The following FXN variants were observed in gnomAD, a reference collection of about 807,000 sequenced individuals.
The protein encoded by FXN is frataxin, mitochondrial.
FXN carries 14 observed loss-of-function variants against 22.4 expected under a neutral mutation model. That is an observed-to-expected ratio of 0.62 (90% CI 0.41 to 0.98). The LOEUF is 0.98. Ranked by LOEUF, FXN falls within the 50% of genes least tolerant of loss-of-function variation. The pLI is 0.00. For missense variants in FXN, 267 were observed against 268.4 expected, an observed-to-expected ratio of 0.99 and a Z score of 0.04; for synonymous variants, 120 against 114.1, an observed-to-expected ratio of 1.05 and a Z score of -0.33.
At chr9:69,069,955 A>C (rs1285952595) in intron 4 of FXN, among the ~76,000 whole-genome samples, 1 of 152,230 alleles carries the variant, frequency 6.6e-6, no homozygotes, top group East Asian at 1.9e-4. Context: ...GGGGGCAAGC[A>C]CGGTAGCTCA....
rs540553864 is a variant in FXN at position 69,060,443 on chromosome 9, T to C, written c.385-4495T>C. Among the ~76,000 whole-genome samples, 4 of 151,746 alleles carry C rather than the reference T, an allele frequency of 2.6e-5. No homozygotes were observed. In the East Asian group the frequency reaches 7.8e-4, roughly 29 times the overall value. On this transcript the variant is annotated intron_variant, in intron 3 of 4. Coordinates refer to ENST00000484259, the MANE Select transcript of FXN (RefSeq NM_000144.5). ...TGGCTAGTGCCTGCATCTCAGAAAC[T>C]GCTACATATTTTGACTATTCCCCCT...
At chr9:69,054,012 C>T (rs1564333879) in intron 3 of FXN, among the ~76,000 whole-genome samples, 1 of 151,992 alleles carries the variant, frequency 6.6e-6, no homozygotes, top group African/African-American at 2.4e-5. Context: ...AGTATGAGAA[C>T]TTGTTTTTTT....
At chr9:69,047,507 G>A (rs1158415383) in intron 2 of FXN, among the ~76,000 whole-genome samples, 1 of 152,166 alleles carries the variant, frequency 6.6e-6, no homozygotes, top group Non-Finnish European at 1.5e-5. Flanking sequence ...AGAGGAGCAT[G>A]TTCCTCCACA....
At chr9:69,065,243 A>G (rs1832148618) in intron 4 of FXN, among the ~76,000 whole-genome samples, 1 of 152,146 alleles carries the variant, frequency 6.6e-6, no homozygotes, top group Admixed American at 6.5e-5. Context: ...TCTGTAAAGA[A>G]AATAAAAATA....
At position 69,060,106 on chromosome 9, in the gene FXN, C is replaced by T. The variant is rs184760016; in HGVS notation, c.385-4832C>T. On this transcript the variant is annotated intron_variant, in intron 3 of 4. Transcript: ENST00000484259. ...CTCACCAGCCGGGCGTGGTGGCTCA[C>T]GCCTGTAATCCCAGCACTTTGGGAG... Among the ~76,000 whole-genome samples, 182 of 152,198 alleles carry T rather than the reference C, an allele frequency of 1.2e-3. 1 individual carries two copies. The highest frequency in any genetic ancestry group is 4.1e-3 in the African/African-American group (172 of 41,532).
rs148756619 is a variant in FXN at position 69,047,350 on chromosome 9, GACACACACACAC to G, written c.263+887_263+898del. On this transcript the variant is annotated intron_variant, in intron 2 of 4. Coordinates refer to ENST00000484259, the MANE Select transcript of FXN (RefSeq NM_000144.5). The stretch of plus-strand genomic sequence containing the variant: ...ACACAGACACAGACACACACACACA[GACACACACACAC>G]ACACACACACACACACACGATGGAG... Among the ~76,000 whole-genome samples the G allele has an allele frequency of 4.2e-5, 6 of 144,174 alleles. No homozygotes were observed. In the East Asian group the frequency reaches 6.1e-4, roughly 15 times the overall value. The allele number at this position is 144,174 out of a possible 152,430, so 94.6% of individuals were successfully genotyped here.
intron 1 of FXN, among the ~76,000 whole-genome samples, chr9:69,043,095 G>A (rs139980850): frequency 2.6e-5 from 4 of 152,256 alleles, no homozygotes; most frequent in South Asian, 2.1e-4. Flanking sequence ...TTTTGGGGTC[G>A]TTTCAAAGAT....
chr9:69,040,451 G>A (rs549082993), intron 1 of FXN, among the ~76,000 whole-genome samples: 1 of 152,266 alleles, frequency 6.6e-6, no homozygotes, highest in South Asian at 2.1e-4. Context: ...GGTGGATCAC[G>A]AGTTCAGGAG....
In FXN at chr9:69,078,639, T is replaced by C. The variant is rs1832413353; in HGVS notation, c.*5877T>C. On this transcript the variant is annotated 3_prime_UTR_variant, in exon 5 of 5. Coordinates refer to ENST00000484259, the MANE Select transcript of FXN (RefSeq NM_000144.5). ...TTCTACCCCCTCACACTCAACACTT[T>C]GACTCCAGCAATCCCAAATCCCCAG... The C allele has an allele frequency of 1.0e-6, 1 of 985,870 alleles. No individual in the cohort carries two copies. Among genetic ancestry groups the C allele is most frequent in the Non-Finnish European group, 1.2e-6 (1 of 830,018 alleles). The allele number at this position is 985,870 out of a possible 1,614,324, so 61.1% of individuals were successfully genotyped here. A position where few individuals can be genotyped will look rare whatever the true frequency, so the allele number is the denominator to read the frequency against.
intron 3 of FXN, among the ~76,000 whole-genome samples, chr9:69,062,371 G>A (rs993204911): frequency 1.3e-5 from 2 of 152,128 alleles, no homozygotes; most frequent in African/African-American, 4.8e-5. Context: ...TTGGGCTCCC[G>A]AAGTGCCAGG....
At chr9:69,052,931 G>A (rs1032229167) in intron 2 of FXN, among the ~76,000 whole-genome samples, 16 of 148,292 alleles carry the variant, frequency 1.1e-4, no homozygotes, top group African/African-American at 4.0e-4. Context: ...ATCACTTGAT[G>A]TCACGAGTTC....
intron 2 of FXN, among the ~76,000 whole-genome samples, chr9:69,047,344 C>T (rs73647060): frequency 0.027 from 4,082 of 148,446 alleles, 181 homozygotes; most frequent in African/African-American, 0.096. Flanking sequence ...CAGACACACA[C>T]ACACAGACAC....
intron 3 of FXN, among the ~76,000 whole-genome samples, chr9:69,056,254 TG>T (rs1831956245): frequency 6.6e-6 from 1 of 152,184 alleles, no homozygotes. Flanking sequence ...GCAGAGCCTC[TG>T]GCCATAACTG....
intron 3 of FXN, among the ~76,000 whole-genome samples, chr9:69,059,233 A>G (rs1832020134): frequency 6.6e-6 from 1 of 152,108 alleles, no homozygotes; most frequent in East Asian, 1.9e-4. Flanking sequence ...ATGTACAGAG[A>G]AGCCCTTAGA....
intron 4 of FXN, among the ~76,000 whole-genome samples, chr9:69,067,626 C>T (rs1314264538): frequency 3.3e-5 from 5 of 152,134 alleles, no homozygotes; most frequent in Admixed American, 3.3e-4. Context: ...ACAACAACAA[C>T]AACAAAAACA....
At position 69,072,577 on chromosome 9, in the gene FXN, C is replaced by G. The variant is rs767921269; in HGVS notation, c.483-35C>G. 2.1e-5 allele frequency: 34 copies of G among 1,613,494 alleles called. No homozygotes were observed. In the South Asian group the frequency reaches 3.5e-4, roughly 17 times the overall value. On this transcript the variant is annotated intron_variant, in intron 4 of 4. Coordinates refer to ENST00000484259, the MANE Select transcript of FXN (RefSeq NM_000144.5). ...TCAGTGGTTCATCTGAAGGGCTGTG[C>G]TGTGGAATTACTATGCATTTGTTTT... is the stretch of plus-strand genomic sequence containing the variant.
intron 1 of FXN, among the ~76,000 whole-genome samples, chr9:69,043,138 C>G (rs1028213207): frequency 1.3e-5 from 2 of 152,180 alleles, no homozygotes; most frequent in Non-Finnish European, 2.9e-5. Context: ...GTGAGCTCCT[C>G]CAGGCTCATG....
chr9:69,073,638 C>T lies in FXN; in HGVS notation c.*876C>T, dbSNP rs1489381876. On this transcript the variant is annotated 3_prime_UTR_variant, in exon 5 of 5. Transcript: ENST00000484259. ...AGCCCTGGTCCTAGACATAGTTCAG[C>T]CACAAAGTAGTTGTCCCTTTGTGGA... The T allele has an allele frequency of 1.0e-6, 1 of 985,240 alleles. No homozygotes were observed. 61.0% of individuals were successfully genotyped at this position (985,240 alleles called of 1,614,324 possible). A position where few individuals can be genotyped will look rare whatever the true frequency, so the allele number is the denominator to read the frequency against.
At position 69,075,044 on chromosome 9, in the gene FXN, T is replaced by C. The variant is rs1289946824; in HGVS notation, c.*2282T>C. 1.0e-6 allele frequency: 1 copy of C among 985,424 alleles called. No homozygotes were observed. Among genetic ancestry groups the C allele is most frequent in the South Asian group, 4.7e-5 (1 of 21,282 alleles). The allele number at this position is 985,424 out of a possible 1,614,324, so 61.0% of individuals were successfully genotyped here. A position where few individuals can be genotyped will look rare whatever the true frequency, so the allele number is the denominator to read the frequency against. On this transcript the variant is annotated 3_prime_UTR_variant, in exon 5 of 5. Coordinates refer to ENST00000484259, the MANE Select transcript of FXN (RefSeq NM_000144.5). ...TGACATGAAAGTGGAAGTTAAGGAA[T>C]CTGGGCTCTTATGGGGTCCTTGTGG...
Sources: allele counts gnomAD v4.1 joint callset (sites outside exome capture counted in the v4.1 genomes callset), GRCh38; gene constraint gnomAD v4.1.1; transcripts MANE v1.5; gene names NCBI Gene and HGNC (gene_info 2026-07-23, HGNC 2026-07-21).